Variants in PLOD2 observed in about 807,000 individuals in gnomAD.
The protein encoded by PLOD2 is procollagen-lysine,2-oxoglutarate 5-dioxygenase 2, also known as lysine hydroxylase 2.
A neutral mutation model predicts 101.0 loss-of-function variants in PLOD2; 65 were observed. The observed-to-expected ratio is 0.64, with a 90% CI of 0.53 to 0.79. PLOD2 has a LOEUF of 0.79. Ranked by LOEUF, PLOD2 falls within the 30% of genes least tolerant of loss-of-function variation. The pLI, the probability that PLOD2 is intolerant of heterozygous loss-of-function variation, is 0.00. For synonymous variants in PLOD2, 314 were observed against 302.9 expected (o/e 1.04, Z -0.38); for missense variants, 909 against 914.6 (o/e 0.99, Z 0.08).
chr3:146,084,020 A>G (rs1345748536), intron 11 of PLOD2, among the ~76,000 whole-genome samples: 1 of 152,086 alleles, frequency 6.6e-6, no homozygotes, highest in Non-Finnish European at 1.5e-5. Flanking sequence ...AAATGAAAAT[A>G]TCTAATTATT....
chr3:146,096,873 A>ACAGAGGCG (rs1234344071), intron 7 of PLOD2, among the ~76,000 whole-genome samples: 3 of 22,980 alleles, frequency 1.3e-4, no homozygotes, highest in African/African-American at 6.8e-4. Context: ...CCCGTCCGGG[A>ACAGAGGCG]GGGAGGTGGG....
intron 9 of PLOD2, among the ~76,000 whole-genome samples, chr3:146,087,192 T>TA (rs1936808520): frequency 6.6e-6 from 1 of 151,946 alleles, no homozygotes; most frequent in Non-Finnish European, 1.5e-5. Flanking sequence ...CTTAAATCTT[T>TA]AATAGGTGTT....
intron 1 of PLOD2, among the ~76,000 whole-genome samples, chr3:146,145,725 G>A (rs1249697243): frequency 6.6e-6 from 1 of 152,154 alleles, no homozygotes. Flanking sequence ...AAAAGGCTGA[G>A]TCAAATTAAA....
intron 1 of PLOD2, among the ~76,000 whole-genome samples, chr3:146,138,928 A>G (rs1392410811): frequency 6.6e-6 from 1 of 152,166 alleles, no homozygotes; most frequent in African/African-American, 2.4e-5. Context: ...GGCAGAGCTC[A>G]TATTTGAACC....
At chr3:146,078,759 G>T (rs971888266) in intron 13 of PLOD2, among the ~76,000 whole-genome samples, 3 of 151,602 alleles carry the variant, frequency 2.0e-5, no homozygotes, top group Non-Finnish European at 4.4e-5. Context: ...TTGTTTCATC[G>T]AAGCTTATCT....
chr3:146,095,653 T>C (rs879754245), intron 7 of PLOD2, among the ~76,000 whole-genome samples: 10 of 152,206 alleles, frequency 6.6e-5, no homozygotes, highest in Admixed American at 5.9e-4. Context: ...GTGTAGTGAT[T>C]CCTCAAGGAT....
At chr3:146,088,821 A>G (rs987497948) in intron 8 of PLOD2, 110 bp from the exon 9 acceptor site, 3 of 945,506 alleles carry the variant, frequency 3.2e-6, no homozygotes, top group Non-Finnish European at 3.3e-6. Context: ...ATATCAATTC[A>G]ACATAATCTG....
intron 10 of PLOD2, 52 bp from the exon 11 acceptor site, chr3:146,085,325 T>G: frequency 1.1e-6 from 1 of 891,902 alleles, no homozygotes; most frequent in East Asian, 2.5e-5. Flanking sequence ...AAATATCTGC[T>G]GACTGAAAAA....
intron 3 of PLOD2, among the ~76,000 whole-genome samples, chr3:146,114,195 C>T (rs577431416): frequency 2.6e-5 from 4 of 151,924 alleles, no homozygotes; most frequent in East Asian, 1.9e-4. Flanking sequence ...AATTTCGCCC[C>T]GGTCCTGTGA....
chr3:146,100,114 C>G (rs1937335841), intron 7 of PLOD2, among the ~76,000 whole-genome samples: 1 of 152,120 alleles, frequency 6.6e-6, no homozygotes, highest in African/African-American at 2.4e-5. Flanking sequence ...CTCCTGCCCT[C>G]AAGTGATCCA....
chr3:146,099,806 T>G (rs1162774135), intron 7 of PLOD2, among the ~76,000 whole-genome samples: 1 of 151,544 alleles, frequency 6.6e-6, no homozygotes, highest in Non-Finnish European at 1.5e-5. Flanking sequence ...CACAGACAGC[T>G]AAAACAGTGA....
At chr3:146,091,684 TTATC>T (rs1479461598) in intron 8 of PLOD2, 112 bp downstream of exon 8, 2 of 684,342 alleles carry the variant, frequency 2.9e-6, no homozygotes, top group African/African-American at 3.6e-5. Context: ...TATATCCCCA[TTATC>T]TATCATAAAA....
intron 1 of PLOD2, among the ~76,000 whole-genome samples, chr3:146,158,219 G>A (rs74413309): frequency 0.01 from 1,548 of 152,194 alleles, 35 homozygotes; most frequent in African/African-American, 0.035. Flanking sequence ...TGATTTACTG[G>A]CACTGATTAA....
chr3:146,088,347 C>T (rs1316213192), intron 9 of PLOD2, among the ~76,000 whole-genome samples: 1 of 151,530 alleles, frequency 6.6e-6, no homozygotes, highest in Non-Finnish European at 1.5e-5. Flanking sequence ...ATGATGATGG[C>T]TAATATTCAG....
intron 10 of PLOD2, 100 bp downstream of exon 10, chr3:146,086,687 C>T: frequency 1.3e-6 from 1 of 791,678 alleles, no homozygotes; most frequent in Non-Finnish European, 1.9e-6. Context: ...TAGTTTGAGA[C>T]ACCCAAATTT....
At chr3:146,134,515 G>A (rs1361882609) in intron 1 of PLOD2, among the ~76,000 whole-genome samples, 1 of 152,194 alleles carries the variant, frequency 6.6e-6, no homozygotes, top group Non-Finnish European at 1.5e-5. Context: ...CTTTGAGTGG[G>A]ATGGGGTAAC....
chr3:146,071,033 C>A lies in PLOD2; in HGVS notation c.2121+9G>T. On this transcript the variant is annotated intron_variant, in intron 19 of 19. Coordinates refer to ENST00000282903, the MANE Select transcript of PLOD2 (RefSeq NM_182943.3). ...TTGAAAAATCTAAAAACACAAGAGTCATAATTACCTGAAAGTCTTCTCCCA... is the reference window on the plus strand; with the variant it reads ...TTGAAAAATCTAAAAACACAAGAGTAATAATTACCTGAAAGTCTTCTCCCA... The A allele has an allele frequency of 1.2e-6, 2 of 1,601,764 alleles. No individual in the cohort carries two copies. The highest frequency in any genetic ancestry group is 2.2e-5 in the South Asian group (2 of 90,518).
At chr3:146,156,482 T>A (rs912685140) in intron 1 of PLOD2, among the ~76,000 whole-genome samples, 2 of 152,254 alleles carry the variant, frequency 1.3e-5, no homozygotes, top group Non-Finnish European at 2.9e-5. Context: ...ATAATTTTCA[T>A]GTTTCATAAT....
chr3:146,130,631 T>A (rs2030855225), intron 1 of PLOD2, among the ~76,000 whole-genome samples: 1 of 152,160 alleles, frequency 6.6e-6, no homozygotes, highest in African/African-American at 2.4e-5. Context: ...AAAATCCCTA[T>A]GTAGTTAGCA....
Sources: gnomAD v4.1 joint callset for allele counts (sites outside exome capture counted in the v4.1 genomes callset) on GRCh38, gnomAD v4.1.1 for gene constraint, MANE v1.5 for transcripts, NCBI Gene and HGNC (gene_info 2026-07-23, HGNC 2026-07-21) for gene names.